The following TNR variants were observed in gnomAD, a reference collection of about 807,000 sequenced individuals.
TNR encodes the protein tenascin R.
In TNR, 45 loss-of-function variants were observed where a neutral mutation model predicts 150.4. The observed-to-expected ratio is 0.30, with a 90% confidence interval of 0.24 to 0.38. The LOEUF (loss-of-function observed/expected upper bound fraction) is 0.38, where lower values mean the gene tolerates loss of function less well. Ranked by LOEUF, TNR falls within the 10% of genes least tolerant of loss-of-function variation. The probability of loss-of-function intolerance (pLI) is 1.00; values close to 1 mark genes in which losing one functional copy is unlikely to be tolerated. For missense variants in TNR, 1,544 were observed against 1,759.1 expected, an observed-to-expected ratio of 0.88 and a Z score of 2.19; for synonymous variants, 687 against 678.4, an observed-to-expected ratio of 1.01 and a Z score of -0.20.
intron 1 of TNR, among the ~76,000 whole-genome samples, chr1:175,691,824 G>GT (rs1200024348): frequency 2.0e-5 from 3 of 152,068 alleles, no homozygotes; most frequent in African/African-American, 7.2e-5. Flanking sequence ...CAAAACCATC[G>GT]TGTGATATTC....
intron 2 of TNR, among the ~76,000 whole-genome samples, chr1:175,429,639 T>G (rs1053896295): frequency 6.6e-6 from 1 of 152,218 alleles, no homozygotes; most frequent in African/African-American, 2.4e-5. Flanking sequence ...TAGCATCTTA[T>G]GAGATTAATA....
chr1:175,420,278 G>A (rs1265760660), intron 2 of TNR, among the ~76,000 whole-genome samples: 1 of 152,050 alleles, frequency 6.6e-6, no homozygotes, highest in Non-Finnish European at 1.5e-5. Context: ...TTCCTGGAGG[G>A]GCTGTTTAAT....
chr1:175,351,634 T>A (rs1651057944), intron 18 of TNR, among the ~76,000 whole-genome samples: 1 of 152,240 alleles, frequency 6.6e-6, no homozygotes, highest in Admixed American at 6.5e-5. Context: ...TCACATGCAT[T>A]ATTTCTGCCC....
At chr1:175,570,686 C>T (rs954045902) in intron 1 of TNR, among the ~76,000 whole-genome samples, 5 of 151,880 alleles carry the variant, frequency 3.3e-5, no homozygotes, top group African/African-American at 1.2e-4. Context: ...CCTTCTCTCT[C>T]TTTTTCTTTA....
intron 2 of TNR, among the ~76,000 whole-genome samples, chr1:175,461,418 T>C (rs564477882): frequency 2.6e-5 from 4 of 152,174 alleles, no homozygotes; most frequent in Non-Finnish European, 5.9e-5. Context: ...TGAGAGAGTG[T>C]CTAAAATTTT....
chr1:175,529,095 C>T (rs1377879648), intron 1 of TNR, among the ~76,000 whole-genome samples: 2 of 152,210 alleles, frequency 1.3e-5, no homozygotes, highest in Non-Finnish European at 2.9e-5. Context: ...CTACGCAGAT[C>T]TTCAGCCAGG....
intron 1 of TNR, among the ~76,000 whole-genome samples, chr1:175,587,269 C>A (rs979841157): frequency 1.3e-5 from 2 of 152,084 alleles, no homozygotes; most frequent in African/African-American, 4.8e-5. Context: ...ATAATTGTTA[C>A]GTTAATTGAA....
chr1:175,556,086 A>G (rs180728158), intron 1 of TNR, among the ~76,000 whole-genome samples: 1 of 152,372 alleles, frequency 6.6e-6, no homozygotes, highest in Admixed American at 6.5e-5. Flanking sequence ...CCCTCTGCAA[A>G]TACATCTCCA....
At chr1:175,605,933 G>A (rs1329816699) in intron 1 of TNR, among the ~76,000 whole-genome samples, 2 of 152,148 alleles carry the variant, frequency 1.3e-5, no homozygotes, top group East Asian at 1.9e-4. Context: ...AAGAGCTGGC[G>A]AGAGAGATTT....
At chr1:175,395,845 T>C (rs1017865071) in intron 5 of TNR, among the ~76,000 whole-genome samples, 1 of 152,208 alleles carries the variant, frequency 6.6e-6, no homozygotes, top group Non-Finnish European at 1.5e-5. Context: ...TGCTTGAACA[T>C]ACACAAAATA....
rs770400452 is a variant in TNR, at chr1:175,379,641, T to C, written c.1874A>G (p.Lys625Arg). The C allele has an allele frequency of 1.2e-6, 2 of 1,614,192 alleles. No individual in the cohort carries two copies. The highest frequency in any genetic ancestry group is 1.7e-6 in the Non-Finnish European group (2 of 1,180,034). Reference protein sequence around the residue: ...DNSEAEVQEYKVVYSTLAGEQ... With the variant: ...DNSEAEVQEYRVVYSTLAGEQ... The stretch of plus-strand genomic sequence containing the variant: ...ACCCGCCAGGGTGCTGTACACAACC[T>C]TGTACTCCTGAACTTCGGCTTCACT... The change falls in exon 9 of 23, where the codon AAG becomes AGG. Residue 625 changes from lysine (K) to arginine (R), a missense_variant. By Grantham distance (26) the Lys-to-Arg change is conservative (BLOSUM62 2). Coordinates refer to ENST00000367674, the MANE Select transcript of TNR (RefSeq NM_003285.3).
chr1:175,689,477 A>G (rs986460647), intron 1 of TNR, among the ~76,000 whole-genome samples: 2 of 152,072 alleles, frequency 1.3e-5, no homozygotes, highest in Non-Finnish European at 2.9e-5. Flanking sequence ...GAGCAGGGCT[A>G]TTTGCATGTT....
At chr1:175,401,085 C>G (rs1044330103) in intron 4 of TNR, among the ~76,000 whole-genome samples, 1 of 152,172 alleles carries the variant, frequency 6.6e-6, no homozygotes, top group Non-Finnish European at 1.5e-5. Flanking sequence ...GGTACCATGT[C>G]AGAGGTAACG....
At chr1:175,644,585 T>C (rs911805091) in intron 1 of TNR, among the ~76,000 whole-genome samples, 1 of 152,230 alleles carries the variant, frequency 6.6e-6, no homozygotes, top group Non-Finnish European at 1.5e-5. Flanking sequence ...AAGGGAAAGG[T>C]GACAATGTCC....
At chr1:175,623,431 G>C (rs563356170) in intron 1 of TNR, among the ~76,000 whole-genome samples, 9 of 152,270 alleles carry the variant, frequency 5.9e-5, no homozygotes, top group African/African-American at 1.7e-4. Flanking sequence ...CAGCCCTCTT[G>C]CTCTGGGCAT....
intron 2 of TNR, among the ~76,000 whole-genome samples, chr1:175,506,004 C>T (rs1162362342): frequency 1.3e-5 from 2 of 152,228 alleles, no homozygotes; most frequent in African/African-American, 2.4e-5. Context: ...CACACCACTG[C>T]ACTCCAGCCT....
At chr1:175,536,503 C>G (rs543294036) in intron 1 of TNR, among the ~76,000 whole-genome samples, 1 of 152,188 alleles carries the variant, frequency 6.6e-6, no homozygotes, top group Non-Finnish European at 1.5e-5. Flanking sequence ...GTAACTTGCT[C>G]AAGGTCACTG....
chr1:175,591,255 G>T lies in TNR; in HGVS notation c.-164-62886C>A, dbSNP rs140742591. 1.3e-3 allele frequency among the ~76,000 whole-genome samples: 192 copies of T among 152,300 alleles called. 1 individual carries two copies. In the East Asian group the frequency reaches 0.028, roughly 23 times the overall value. On this transcript the variant is annotated intron_variant, in intron 1 of 22. Transcript: ENST00000367674. ...CTCAACAGCCCTAGCTTGGATGGCA[G>T]CCAGGGCTCTGTGTCCCTGGGACAT...
At chr1:175,615,661 G>A (rs769806056) in intron 1 of TNR, among the ~76,000 whole-genome samples, 4 of 152,194 alleles carry the variant, frequency 2.6e-5, no homozygotes, top group African/African-American at 7.2e-5. Flanking sequence ...GGACTTCAGC[G>A]TCCTCCTGCT....
Sources: gnomAD v4.1 joint callset for allele counts (sites outside exome capture counted in the v4.1 genomes callset) on GRCh38, gnomAD v4.1.1 for gene constraint, MANE v1.5 for transcripts, NCBI Gene and HGNC (gene_info 2026-07-23, HGNC 2026-07-21) for gene names.